Variants in AK9 observed in about 807,000 individuals in gnomAD.
AK9 encodes adenylate kinase domain containing 1.
In AK9, 191 loss-of-function variants were observed where a neutral mutation model predicts 239.6. The ratio of observed to expected loss-of-function variants is 0.80; its 90% confidence interval spans 0.71 to 0.90. The LOEUF (loss-of-function observed/expected upper bound fraction) is 0.90. Ranked by LOEUF, AK9 falls within the 40% of genes least tolerant of loss-of-function variation. The pLI, the probability that AK9 is intolerant of heterozygous loss-of-function variation, is 0.00. For missense variants in AK9, 1,995 were observed against 2,214.7 expected, an observed-to-expected ratio of 0.90 and a Z score of 1.99; for synonymous variants, 689 against 721.0, an observed-to-expected ratio of 0.96 and a Z score of 0.71.
intron 10 of AK9, among the ~76,000 whole-genome samples, chr6:109,641,250 C>G (rs1035994926): frequency 1.3e-5 from 2 of 149,392 alleles, no homozygotes; most frequent in African/African-American, 2.4e-5. Flanking sequence ...CTCACTGCAG[C>G]CTTAACCTCC....
rs146176486 is a variant in AK9, at chr6:109,599,521, T to G, written c.1842+10844A>C. ...AGTCAGGTAGCATGCTGCCTCCAGCTTTGCTCCTTTGGCTTAGGATTGACT... is the reference window on the plus strand; with the variant it reads ...AGTCAGGTAGCATGCTGCCTCCAGCGTTGCTCCTTTGGCTTAGGATTGACT... On this transcript the variant is annotated intron_variant, in intron 17 of 40. Transcript: ENST00000424296. Among the ~76,000 whole-genome samples, 116 of 152,370 alleles carry G rather than the reference T, an allele frequency of 7.6e-4. 1 individual carries two copies. In the East Asian group the frequency reaches 0.018, roughly 23 times the overall value.
At chr6:109,685,519 A>C (rs1358666147) in intron 1 of AK9, among the ~76,000 whole-genome samples, 1 of 149,458 alleles carries the variant, frequency 6.7e-6, no homozygotes, top group Non-Finnish European at 1.5e-5. Context: ...CATAAGTGGG[A>C]GTTGAAAAAT....
At chr6:109,515,280 C>T (rs1325081359) in intron 31 of AK9, among the ~76,000 whole-genome samples, 1 of 152,142 alleles carries the variant, frequency 6.6e-6, no homozygotes. Context: ...AAATCCCACT[C>T]ACATAAACAT....
At chr6:109,647,551 T>C (rs1204769697) in intron 8 of AK9, among the ~76,000 whole-genome samples, 2 of 152,152 alleles carry the variant, frequency 1.3e-5, no homozygotes, top group Non-Finnish European at 2.9e-5. Context: ...ATTCTAAATA[T>C]ATATGCACCC....
At position 109,506,498 on chromosome 6, in the gene AK9, C is replaced by T; in HGVS notation, c.4678G>A (p.Val1560Ile). ...NSAQIVAVNN[V>I]KYRKNIGEIR... The stretch of plus-strand genomic sequence containing the variant: ...TCACCAATATTTTTGCGATACTTTA[C>T]ATTATTGACAGCTACAATTTGTGCA... The change falls in exon 35 of 41, where the codon GTA (valine) becomes ATA (isoleucine). Residue 1560 changes from valine (V) to isoleucine (I), a missense_variant. Around this residue, in one of 5 missense-constraint regions of AK9, gnomAD observed 391 missense variants for 456.0 expected, o/e 0.86. Coordinates refer to ENST00000424296, the MANE Select transcript of AK9 (RefSeq NM_001145128.3). The T allele has an allele frequency of 6.2e-7, 1 of 1,610,416 alleles. No individual in the cohort carries two copies. Among genetic ancestry groups the T allele is most frequent in the South Asian group, 1.1e-5 (1 of 90,850 alleles).
At chr6:109,519,165 G>C (rs1323078252) in intron 29 of AK9, among the ~76,000 whole-genome samples, 1 of 152,080 alleles carries the variant, frequency 6.6e-6, no homozygotes, top group African/African-American at 2.4e-5. Flanking sequence ...TGGTCATGTA[G>C]TATTCTACGG....
intron 1 of AK9, among the ~76,000 whole-genome samples, chr6:109,681,664 C>T (rs1393211283): frequency 2.0e-5 from 3 of 152,198 alleles, no homozygotes; most frequent in Non-Finnish European, 4.4e-5. Context: ...CACCTCACTG[C>T]ACTTATTCTA....
rs554058317 is a variant in AK9, at chr6:109,497,055, T to C, written c.5315+410A>G. On this transcript the variant is annotated intron_variant, in intron 38 of 40. Coordinates refer to ENST00000424296, the MANE Select transcript of AK9 (RefSeq NM_001145128.3). ...CCCCTCTCCACATCACATCCAGCTA[T>C]GCTGAAGTTCTTACAGTTCAGGAAT... 3.0e-4 allele frequency among the ~76,000 whole-genome samples: 45 copies of C among 152,266 alleles called. 1 individual carries two copies. Among genetic ancestry groups the C allele is most frequent in the African/African-American group, 9.9e-4 (41 of 41,538 alleles).
At chr6:109,551,350 C>T (rs1784329603) in intron 24 of AK9, among the ~76,000 whole-genome samples, 1 of 151,978 alleles carries the variant, frequency 6.6e-6, no homozygotes, top group Non-Finnish European at 1.5e-5. Flanking sequence ...GAAACCCCTT[C>T]TCTACTGAAA....
intron 12 of AK9, among the ~76,000 whole-genome samples, chr6:109,626,383 A>C (rs9400308): frequency 6.6e-6 from 1 of 152,232 alleles, no homozygotes; most frequent in East Asian, 1.9e-4. Context: ...GTTTCATTAC[A>C]TGTTGGACAT....
intron 40 of AK9, 23 bp downstream of exon 40, chr6:109,493,958 G>T: frequency 6.6e-7 from 1 of 1,520,780 alleles, no homozygotes; most frequent in East Asian, 2.3e-5. Flanking sequence ...GTTCTGAGTA[G>T]TAAATAATTA....
chr6:109,650,615 A>G (rs1196466542), intron 8 of AK9, among the ~76,000 whole-genome samples: 4 of 152,160 alleles, frequency 2.6e-5, no homozygotes, highest in South Asian at 2.1e-4. Flanking sequence ...AAATAGGAAC[A>G]CTTTTACACT....
chr6:109,534,454 T>C (rs1781704431), intron 27 of AK9, among the ~76,000 whole-genome samples: 1 of 150,078 alleles, frequency 6.7e-6, no homozygotes, highest in Non-Finnish European at 1.5e-5. Context: ...TTAATATTTA[T>C]ATTTAAATAT....
intron 29 of AK9, among the ~76,000 whole-genome samples, chr6:109,523,047 T>C (rs1780035152): frequency 6.6e-6 from 1 of 152,150 alleles, no homozygotes; most frequent in Non-Finnish European, 1.5e-5. Flanking sequence ...AGAGGTGACC[T>C]TAAGGAATTT....
intron 9 of AK9, among the ~76,000 whole-genome samples, chr6:109,643,265 G>A (rs1330653194): frequency 6.6e-6 from 1 of 152,206 alleles, no homozygotes; most frequent in Admixed American, 6.5e-5. Flanking sequence ...CAAGTGAGGA[G>A]CTTCTCCCTG....
intron 8 of AK9, among the ~76,000 whole-genome samples, chr6:109,651,438 T>C (rs544251101): frequency 3.2e-4 from 49 of 152,276 alleles, no homozygotes; most frequent in Non-Finnish European, 6.2e-4. Context: ...GGGAAATTTA[T>C]AGCACTAAAT....
chr6:109,618,440 AC>A (rs371929609), intron 13 of AK9, among the ~76,000 whole-genome samples: 13,590 of 148,906 alleles, frequency 0.091, 743 homozygotes, highest in South Asian at 0.18. Context: ...AAAAAAAAAA[AC>A]AAAACGCTTT....
intron 6 of AK9, 58 bp from the exon 7 acceptor site, chr6:109,659,471 G>A (rs887642180): frequency 3.2e-6 from 5 of 1,544,862 alleles, no homozygotes; most frequent in Non-Finnish European, 4.4e-6. Context: ...TTAATTCCCT[G>A]TGTATTTATT....
intron 24 of AK9, among the ~76,000 whole-genome samples, chr6:109,552,256 G>A (rs1417607199): frequency 2.0e-5 from 3 of 152,102 alleles, no homozygotes; most frequent in Non-Finnish European, 2.9e-5. Context: ...TGGTATTTTG[G>A]TTCTAGATCC....
Sources: allele counts gnomAD v4.1 joint callset (sites outside exome capture counted in the v4.1 genomes callset), GRCh38; gene constraint gnomAD v4.1.1; regional missense constraint gnomAD v4.1.1; transcripts MANE v1.5; gene names NCBI Gene and HGNC (gene_info 2026-07-23, HGNC 2026-07-21).